Variants in GTF2F2 observed in about 807,000 individuals in gnomAD.
GTF2F2 encodes the protein ATP-dependent helicase GTF2F2.
A neutral mutation model predicts 42.2 loss-of-function variants in GTF2F2; 23 were observed. That is an observed-to-expected ratio of 0.55 (90% CI 0.39 to 0.77). The LOEUF (loss-of-function observed/expected upper bound fraction) is 0.77, where lower values mean the gene tolerates loss of function less well. Among genes scored for constraint, GTF2F2 ranks in the 30% least tolerant of loss-of-function variants. The probability of loss-of-function intolerance (pLI) is 0.00; values close to 1 mark genes in which losing one functional copy is unlikely to be tolerated. For synonymous variants in GTF2F2, 105 were observed against 100.8 expected (o/e 1.04, Z -0.25); for missense variants, 261 against 287.2 (o/e 0.91, Z 0.66).
chr13:45,246,071 G>A (rs988635116), intron 5 of GTF2F2, among the ~76,000 whole-genome samples: 3 of 149,902 alleles, frequency 2.0e-5, no homozygotes, highest in South Asian at 2.1e-4. Flanking sequence ...TGCAGTGGCC[G>A]GATCTCAGCT....
intron 1 of GTF2F2, among the ~76,000 whole-genome samples, chr13:45,130,477 A>C (rs750802294): frequency 1.3e-5 from 2 of 152,198 alleles, no homozygotes; most frequent in Non-Finnish European, 2.9e-5. Flanking sequence ...TGCTTTATTG[A>C]GAATAAACTG....
chr13:45,130,191 C>T (rs752825615), intron 1 of GTF2F2, among the ~76,000 whole-genome samples: 6 of 152,166 alleles, frequency 3.9e-5, no homozygotes, highest in Non-Finnish European at 8.8e-5. Flanking sequence ...AAATCGTGGA[C>T]TGTGGAGTCG....
chr13:45,155,177 A>T (rs2138124571), intron 4 of GTF2F2, among the ~76,000 whole-genome samples: 1 of 152,330 alleles, frequency 6.6e-6, no homozygotes, highest in South Asian at 2.1e-4. Flanking sequence ...AAGCTACAGA[A>T]CCACTACCCT....
rs182274664 is a variant in GTF2F2 at position 45,217,344 on chromosome 13, G to A, written c.386+9839G>A. 2.1e-4 allele frequency among the ~76,000 whole-genome samples: 32 copies of A among 149,638 alleles called. No individual in the cohort carries two copies. The East Asian group carries it at 5.5e-3, about 26-fold the overall frequency. Reference sequence around the variant, plus strand: ...TTCAGCTCAAATGGGAAATCTCCCTGACCGTTTCTCTTCACACAGAATAAG... The same window carrying A: ...TTCAGCTCAAATGGGAAATCTCCCTAACCGTTTCTCTTCACACAGAATAAG... On this transcript the variant is annotated intron_variant, in intron 5 of 7. Transcript: ENST00000340473.
At chr13:45,210,971 A>G (rs573837017) in intron 5 of GTF2F2, among the ~76,000 whole-genome samples, 1 of 152,324 alleles carries the variant, frequency 6.6e-6, no homozygotes, top group East Asian at 1.9e-4. Context: ...GTCAGAAGGG[A>G]GATGAGAGTC....
chr13:45,165,569 C>A lies in GTF2F2; in HGVS notation c.304+13738C>A, dbSNP rs561119758. Among the ~76,000 whole-genome samples, 26 of 146,586 alleles carry A rather than the reference C, an allele frequency of 1.8e-4. No homozygotes were observed. The South Asian group carries it at 4.2e-3, about 24-fold the overall frequency. On this transcript the variant is annotated intron_variant, in intron 4 of 7. Transcript: ENST00000340473. ...AAACCTTTCTTTCCACTGCCCTCGC[C>A]CCCCCCCGCCGCCCGCTTTTAACCT...
chr13:45,168,905 C>CA (rs1871448252), intron 4 of GTF2F2, among the ~76,000 whole-genome samples: 2 of 562 alleles, frequency 3.6e-3, no homozygotes, highest in Non-Finnish European at 9.8e-3. Flanking sequence ...CCCTCCCTCC[C>CA]TCCTCCTTCC....
At chr13:45,266,629 C>T (rs1386818667) in intron 6 of GTF2F2, among the ~76,000 whole-genome samples, 1 of 152,180 alleles carries the variant, frequency 6.6e-6, no homozygotes, top group South Asian at 2.1e-4. Context: ...AACCAGTTAA[C>T]CGCACTGAAT....
intron 4 of GTF2F2, among the ~76,000 whole-genome samples, chr13:45,171,099 A>G (rs1336371182): frequency 8.8e-6 from 1 of 113,868 alleles, no homozygotes; most frequent in African/African-American, 3.6e-5. Context: ...TTTTTTTGAG[A>G]CAGAGTCTTG....
intron 6 of GTF2F2, among the ~76,000 whole-genome samples, chr13:45,260,401 CA>C (rs1472151024): frequency 6.6e-6 from 1 of 152,118 alleles, no homozygotes; most frequent in Non-Finnish European, 1.5e-5. Flanking sequence ...AATTTCCTCC[CA>C]AGAGATAATG....
chr13:45,209,023 G>A (rs990947891), intron 5 of GTF2F2, among the ~76,000 whole-genome samples: 4 of 152,100 alleles, frequency 2.6e-5, no homozygotes, highest in Non-Finnish European at 4.4e-5. Flanking sequence ...TTCTGTGGCC[G>A]TAATTTTCTT....
In GTF2F2 at chr13:45,181,032, C is replaced by T. The variant is rs367808316; in HGVS notation, c.305-26392C>T. 1.6e-3 allele frequency among the ~76,000 whole-genome samples: 249 copies of T among 151,868 alleles called. 1 individual carries two copies. Among genetic ancestry groups the T allele is most frequent in the African/African-American group, 5.8e-3 (238 of 41,322 alleles). ...CAGCAATTAGCCAGGCATAGTGGTA[C>T]GTGCCGGTAGTGTAGTTCCAGCTAT... is the stretch of plus-strand genomic sequence containing the variant. On this transcript the variant is annotated intron_variant, in intron 4 of 7. Transcript: ENST00000340473.
chr13:45,232,399 G>A (rs1436043195), intron 5 of GTF2F2, among the ~76,000 whole-genome samples: 2 of 152,184 alleles, frequency 1.3e-5, no homozygotes, highest in Admixed American at 6.5e-5. Flanking sequence ...GGCTGAGGCA[G>A]GAGGATCACT....
At position 45,267,885 on chromosome 13, in the gene GTF2F2, A is replaced by G. The variant is rs141778374; in HGVS notation, c.630+509A>G. On this transcript the variant is annotated intron_variant, in intron 7 of 7. Transcript: ENST00000340473. ...CTGAACTGAACTGCACTTTCAAATT[A>G]TGCTTGCAGAGATTGTGATTAGGTT... is the stretch of plus-strand genomic sequence containing the variant. Among the ~76,000 whole-genome samples, 79 of 148,006 alleles carry G rather than the reference A, an allele frequency of 5.3e-4. No homozygotes were observed. The East Asian group carries it at 8.4e-3, about 16-fold the overall frequency.
intron 4 of GTF2F2, among the ~76,000 whole-genome samples, chr13:45,178,425 C>CTT (rs60059874): frequency 1.6e-5 from 2 of 122,084 alleles, no homozygotes; most frequent in African/African-American, 3.0e-5. Flanking sequence ...CTGAGTTTGT[C>CTT]TTTTTTTTTT....
intron 6 of GTF2F2, 81 bp from the exon 7 acceptor site, chr13:45,267,149 CAAA>C (rs200147501): frequency 1.2e-3 from 1,174 of 946,368 alleles, no homozygotes; most frequent in South Asian, 1.6e-3. Flanking sequence ...AACTCTGTCT[CAAA>C]AAAAAAAAAA....
chr13:45,130,629 A>G (rs1173181879), intron 1 of GTF2F2, among the ~76,000 whole-genome samples: 1 of 152,176 alleles, frequency 6.6e-6, no homozygotes, highest in Non-Finnish European at 1.5e-5. Context: ...AGATATTGAC[A>G]GGATGTATCA....
rs1253454630 is a variant in GTF2F2 at position 45,134,074 on chromosome 13, G to A, written c.67-2659G>A. Among the ~76,000 whole-genome samples the A allele has an allele frequency of 2.0e-5, 3 of 152,310 alleles. No individual in the cohort carries two copies. In the East Asian group the frequency reaches 5.8e-4, roughly 29 times the overall value. ...GAATGAGAAGTTCATAGGATATCCA[G>A]CAGATAATGTTGTGGACATTTGCTT... On this transcript the variant is annotated intron_variant, in intron 1 of 7. Coordinates refer to ENST00000340473, the MANE Select transcript of GTF2F2 (RefSeq NM_004128.3).
chr13:45,194,375 C>T, intron 4 of GTF2F2: 3 of 1,614,156 alleles, frequency 1.9e-6, no homozygotes, highest in Non-Finnish European at 2.5e-6. Flanking sequence ...AGGATTTTTC[C>T]ATTTACTATA....
Sources: allele counts gnomAD v4.1 joint callset (sites outside exome capture counted in the v4.1 genomes callset), GRCh38; gene constraint gnomAD v4.1.1; transcripts MANE v1.5; gene names NCBI Gene and HGNC (gene_info 2026-07-23, HGNC 2026-07-21).